GALNTL6: variants seen among roughly 807,000 people sequenced by gnomAD.
GALNTL6 encodes the protein polypeptide N-acetylgalactosaminyltransferase-like 6.
A neutral mutation model predicts 73.7 loss-of-function variants in GALNTL6; 46 were observed. The ratio of observed to expected loss-of-function variants is 0.62; its 90% CI spans 0.49 to 0.80. GALNTL6 has a LOEUF of 0.80. Ranked by LOEUF, GALNTL6 falls within the 30% of genes least tolerant of loss-of-function variation. GALNTL6 has a pLI of 0.00. For missense variants in GALNTL6, 604 were observed against 755.0 expected, an observed-to-expected ratio of 0.80 and a Z score of 2.34; for synonymous variants, 259 against 263.7, an observed-to-expected ratio of 0.98 and a Z score of 0.17.
intron 5 of GALNTL6, among the ~76,000 whole-genome samples, chr4:172,518,054 T>A (rs1734663764): frequency 6.6e-6 from 1 of 151,988 alleles, no homozygotes; most frequent in African/African-American, 2.4e-5. Flanking sequence ...TGCCCCAGTA[T>A]GCTCACAAAG....
intron 5 of GALNTL6, among the ~76,000 whole-genome samples, chr4:172,606,641 C>CTATATATAG (rs1560832354): frequency 4.6e-4 from 17 of 37,318 alleles, no homozygotes; most frequent in African/African-American, 9.6e-4. Context: ...TATATATATA[C>CTATATATAG]TATATATATA....
At chr4:172,092,875 C>CTTT (rs201817743) in intron 2 of GALNTL6, among the ~76,000 whole-genome samples, 1 of 130,376 alleles carries the variant, frequency 7.7e-6, no homozygotes, top group Non-Finnish European at 1.7e-5. Flanking sequence ...TTTTTCTTTT[C>CTTT]TTTTTTTTTT....
At chr4:172,954,713 T>C (rs1749626951) in intron 10 of GALNTL6, among the ~76,000 whole-genome samples, 1 of 152,074 alleles carries the variant, frequency 6.6e-6, no homozygotes, top group African/African-American at 2.4e-5. Flanking sequence ...ATTATTCATC[T>C]CACCTCAGCC....
chr4:172,089,338 T>C (rs1161372985), intron 2 of GALNTL6, among the ~76,000 whole-genome samples: 4 of 152,056 alleles, frequency 2.6e-5, no homozygotes, highest in Non-Finnish European at 1.5e-5. Flanking sequence ...GCATCTTCAG[T>C]TGGAGGAGGG....
intron 5 of GALNTL6, among the ~76,000 whole-genome samples, chr4:172,408,530 ATAAAT>A (rs561807190): frequency 1.8e-3 from 276 of 152,152 alleles, no homozygotes; most frequent in Non-Finnish European, 2.8e-3. Flanking sequence ...ATGTATAAAA[ATAAAT>A]TATATATTTG....
intron 5 of GALNTL6, among the ~76,000 whole-genome samples, chr4:172,403,103 A>G (rs1744097534): frequency 6.6e-6 from 1 of 152,022 alleles, no homozygotes; most frequent in Non-Finnish European, 1.5e-5. Flanking sequence ...TAGTTGTTCA[A>G]AGATATGGCA....
At chr4:172,424,312 C>G (rs2111368161) in intron 5 of GALNTL6, among the ~76,000 whole-genome samples, 1 of 151,936 alleles carries the variant, frequency 6.6e-6, no homozygotes, top group African/African-American at 2.4e-5. Context: ...GACTTTCTTT[C>G]ATAAGCTTAG....
Position 172,700,241 on chromosome 4 carries a change from G to A in GALNTL6, c.554-109120G>A, listed in dbSNP as rs185249361. On this transcript the variant is annotated intron_variant, in intron 5 of 12. Transcript: ENST00000506823. The stretch of plus-strand genomic sequence containing the variant: ...CTGTTTGACTTTATTCTGGGTCAAA[G>A]TAATTGGGTTTCTCCTTTAAATGTG... Among the ~76,000 whole-genome samples, 497 of 152,210 alleles carry A rather than the reference G, an allele frequency of 3.3e-3. 8 individuals carry two copies. Among genetic ancestry groups the A allele is most frequent in the Admixed American group, 0.029 (441 of 15,276 alleles).
chr4:172,705,999 A>G (rs1734330229), intron 5 of GALNTL6, among the ~76,000 whole-genome samples: 1 of 151,682 alleles, frequency 6.6e-6, no homozygotes, highest in Non-Finnish European at 1.5e-5. Flanking sequence ...CTATACCTGG[A>G]TATTTATATC....
intron 5 of GALNTL6, among the ~76,000 whole-genome samples, chr4:172,756,659 G>A (rs905220026): frequency 6.6e-6 from 1 of 151,734 alleles, no homozygotes; most frequent in Non-Finnish European, 1.5e-5. Context: ...AAAGAAAGCA[G>A]ATGTGTCTAC....
At chr4:172,186,696 C>A (rs1735425773) in intron 2 of GALNTL6, among the ~76,000 whole-genome samples, 1 of 152,020 alleles carries the variant, frequency 6.6e-6, no homozygotes, top group Admixed American at 6.5e-5. Flanking sequence ...TATACTATAT[C>A]ATTTCATTTA....
intron 2 of GALNTL6, among the ~76,000 whole-genome samples, chr4:171,856,700 T>C (rs967098171): frequency 3.3e-5 from 5 of 152,232 alleles, no homozygotes; most frequent in African/African-American, 1.2e-4. Context: ...TCTTTATTCA[T>C]TGAATTCTCT....
At chr4:172,958,649 G>A (rs1749878932) in intron 10 of GALNTL6, among the ~76,000 whole-genome samples, 1 of 152,140 alleles carries the variant, frequency 6.6e-6, no homozygotes, top group Non-Finnish European at 1.5e-5. Context: ...GCGCACGTGT[G>A]TTTTTATGAG....
intron 5 of GALNTL6, among the ~76,000 whole-genome samples, chr4:172,623,160 C>G (rs1036302389): frequency 1.3e-5 from 2 of 151,736 alleles, no homozygotes; most frequent in Non-Finnish European, 2.9e-5. Flanking sequence ...AATCAATGCA[C>G]GAAACTGAAA....
chr4:172,804,159 C>G (rs1488588800), intron 5 of GALNTL6, among the ~76,000 whole-genome samples: 1 of 152,108 alleles, frequency 6.6e-6, no homozygotes, highest in Non-Finnish European at 1.5e-5. Context: ...TTAAGAATAT[C>G]TTATATTCTT....
intron 5 of GALNTL6, among the ~76,000 whole-genome samples, chr4:172,789,565 A>T (rs553609574): frequency 2.6e-3 from 401 of 152,230 alleles, no homozygotes; most frequent in African/African-American, 9.5e-3. Context: ...AGATGAAGAG[A>T]TGTGCAGGGC....
chr4:172,823,582 A>C (rs1479162893), intron 7 of GALNTL6, among the ~76,000 whole-genome samples: 2 of 152,250 alleles, frequency 1.3e-5, no homozygotes, highest in African/African-American at 2.4e-5. Context: ...CTAGCTGCAG[A>C]GAATGTTGTG....
chr4:172,712,020 T>C (rs1224595380), intron 5 of GALNTL6, among the ~76,000 whole-genome samples: 1 of 152,154 alleles, frequency 6.6e-6, no homozygotes, highest in African/African-American at 2.4e-5. Flanking sequence ...CTCTGCCAGG[T>C]AACATGACAG....
intron 5 of GALNTL6, among the ~76,000 whole-genome samples, chr4:172,526,213 T>C (rs1227907590): frequency 6.6e-6 from 1 of 152,228 alleles, no homozygotes; most frequent in Non-Finnish European, 1.5e-5. Flanking sequence ...GGAACAACTT[T>C]GAGTTGTAAA....
Sources: gnomAD v4.1 joint callset for allele counts (sites outside exome capture counted in the v4.1 genomes callset) on GRCh38, gnomAD v4.1.1 for gene constraint, MANE v1.5 for transcripts, NCBI Gene and HGNC (gene_info 2026-07-23, HGNC 2026-07-21) for gene names.